The following USP14 variants were observed in gnomAD, a reference collection of about 807,000 sequenced individuals.
USP14 encodes the protein ubiquitin carboxyl-terminal hydrolase 14.
USP14 carries 38 observed loss-of-function variants against 76.5 expected under a neutral mutation model. The ratio of observed to expected loss-of-function variants is 0.50; its 90% CI spans 0.38 to 0.65. The LOEUF (loss-of-function observed/expected upper bound fraction) is 0.65. Among genes scored for constraint, USP14 ranks in the 30% least tolerant of loss-of-function variants. The pLI, the probability that USP14 is intolerant of heterozygous loss-of-function variation, is 0.00. For synonymous variants in USP14, 192 were observed against 191.7 expected, an observed-to-expected ratio of 1.00 and a Z score of -0.01; for missense variants, 467 against 586.5, an observed-to-expected ratio of 0.80 and a Z score of 2.10.
intron 2 of USP14, 126 bp downstream of exon 2, chr18:163,579 A>G: frequency 9.1e-7 from 1 of 1,093,532 alleles, no homozygotes; most frequent in East Asian, 2.6e-5. Flanking sequence ...AGAGTATGTC[A>G]GCTATGGTGT....
rs143264510 is a variant in USP14, at chr18:176,445, A to G, written c.196-2488A>G. ...TTGGACTACAGGTGTGTGCCACCAC[A>G]CATGGCTTGGTTTTAATTTTTACTT... On this transcript the variant is annotated intron_variant, in intron 3 of 15. Transcript: ENST00000261601. Among the ~76,000 whole-genome samples, 543 of 152,264 alleles carry G rather than the reference A, an allele frequency of 3.6e-3. 1 individual carries two copies. Among genetic ancestry groups the G allele is most frequent in the African/African-American group, 0.012 (506 of 41,570 alleles).
chr18:164,335 G>A (rs1909207046), intron 2 of USP14, among the ~76,000 whole-genome samples: 1 of 151,638 alleles, frequency 6.6e-6, no homozygotes, highest in African/African-American at 2.4e-5. Context: ...TTTTGTACAT[G>A]CATTTGTATG....
rs148752127 is a variant in USP14 at position 169,895 on chromosome 18, A to G, written c.195+3076A>G. On this transcript the variant is annotated intron_variant, in intron 3 of 15. Transcript: ENST00000261601. ...CATGAATCACACCTGTAAGATGGCAAACTTAATCGACAAATGTGTCTTCTG... is the reference window on the plus strand; with the variant it reads ...CATGAATCACACCTGTAAGATGGCAGACTTAATCGACAAATGTGTCTTCTG... 7.4e-3 allele frequency among the ~76,000 whole-genome samples: 1,128 copies of G among 152,206 alleles called. 15 individuals are homozygous for G. Among genetic ancestry groups the G allele is most frequent in the African/African-American group, 0.026 (1,075 of 41,524 alleles).
At chr18:169,688 T>C (rs1909387532) in intron 3 of USP14, among the ~76,000 whole-genome samples, 1 of 152,118 alleles carries the variant, frequency 6.6e-6, no homozygotes, top group South Asian at 2.1e-4. Flanking sequence ...TTTTTATAAG[T>C]TGAAGGTTTG....
In USP14 at chr18:211,925, G is replaced by C. The variant is rs1910680350; in HGVS notation, c.*641G>C. 6.6e-6 allele frequency: 1 copy of C among 152,180 alleles called. No individual in the cohort carries two copies. The highest frequency in any genetic ancestry group is 6.5e-5 in the Admixed American group (1 of 15,268). The allele number at this position is 152,180 out of a possible 1,614,324, so 9.4% of individuals were successfully genotyped here. A position where few individuals can be genotyped will look rare whatever the true frequency, so the allele number is the denominator to read the frequency against. ...TTGTGTCTCTCTCTGATGTACTGTG[G>C]ATTGTACATTTAACTTTGGAATGGC... On this transcript the variant is annotated 3_prime_UTR_variant, in exon 16 of 16. Coordinates refer to ENST00000261601, the MANE Select transcript of USP14 (RefSeq NM_005151.4).
intron 13 of USP14, among the ~76,000 whole-genome samples, 184 bp from the exon 14 acceptor site, chr18:209,787 A>AGT (rs1217196318): frequency 6.6e-6 from 1 of 152,146 alleles, no homozygotes; most frequent in East Asian, 1.9e-4. Flanking sequence ...ATATTGTTGA[A>AGT]GTGTAGGACT....
rs1445285996 is a variant in USP14 at position 197,572 on chromosome 18, A to C, written c.595-44A>C. 2.0e-6 allele frequency: 3 copies of C among 1,487,352 alleles called. No individual in the cohort carries two copies. In the South Asian group the frequency reaches 3.5e-5, roughly 17 times the overall value. The allele number at this position is 1,487,352 out of a possible 1,614,324, so 92.1% of individuals were successfully genotyped here. ...TTATTTTGGAAGAACTTTGTAGATCATTCACTGCCAGGATTACTTACTTTG... is the reference window on the plus strand; with the variant it reads ...TTATTTTGGAAGAACTTTGTAGATCCTTCACTGCCAGGATTACTTACTTTG... On this transcript the variant is annotated intron_variant, in intron 7 of 15. Coordinates refer to ENST00000261601, the MANE Select transcript of USP14 (RefSeq NM_005151.4).
rs1344787713 is a variant in USP14, at chr18:171,017, AAAAAAAAAATAT to A, written c.195+4200_195+4211del. On this transcript the variant is annotated intron_variant, in intron 3 of 15. Coordinates refer to ENST00000261601, the MANE Select transcript of USP14 (RefSeq NM_005151.4). ...ACATGTACCCTGGAACTTAAAAAAAAAAAAAAAAATATATATATATATATATATATATATATA... is the reference window on the plus strand; with the variant it reads ...ACATGTACCCTGGAACTTAAAAAAAAATATATATATATATATATATATATA... Among the ~76,000 whole-genome samples, 81 of 74,020 alleles carry A rather than the reference AAAAAAAAAATAT, an allele frequency of 1.1e-3. 2 individuals carry two copies. Among genetic ancestry groups the A allele is most frequent in the Middle Eastern group, 6.3e-3 (1 of 158 alleles). 48.6% of individuals were successfully genotyped at this position (74,020 alleles called of 152,430 possible).
chr18:201,484 G>A (rs1416057952), intron 10 of USP14, among the ~76,000 whole-genome samples: 1 of 152,200 alleles, frequency 6.6e-6, no homozygotes, highest in Non-Finnish European at 1.5e-5. Flanking sequence ...TTGTTAAAGG[G>A]CATAAGAAGA....
intron 3 of USP14, among the ~76,000 whole-genome samples, chr18:174,651 C>T (rs1263270221): frequency 3.6e-4 from 53 of 148,514 alleles, no homozygotes; most frequent in African/African-American, 1.3e-3. Context: ...GCTTTGTCGG[C>T]TGGAGTGCAG....
intron 7 of USP14, 117 bp from the exon 8 acceptor site, chr18:197,499 T>G: frequency 1.4e-6 from 1 of 724,390 alleles, no homozygotes; most frequent in Non-Finnish European, 2.3e-6. Flanking sequence ...CTTATTTGGC[T>G]TAATATTTTT....
rs1220891798 is a variant in USP14, at chr18:213,891, G to C, written c.*2607G>C. On this transcript the variant is annotated 3_prime_UTR_variant, in exon 16 of 16. Coordinates refer to ENST00000261601, the MANE Select transcript of USP14 (RefSeq NM_005151.4). Reference sequence around the variant, plus strand: ...TGAGAGGTCAGGCAATTTTTGTAAGGCTAGAAGGAAAAGTGAGGTTTTAGA... The same window carrying C: ...TGAGAGGTCAGGCAATTTTTGTAAGCCTAGAAGGAAAAGTGAGGTTTTAGA... 6.6e-6 allele frequency: 1 copy of C among 152,176 alleles called. No individual in the cohort carries two copies. The highest frequency in any genetic ancestry group is 2.1e-4 in the South Asian group (1 of 4,832). 9.4% of individuals were successfully genotyped at this position (152,176 alleles called of 1,614,324 possible).
At chr18:185,143 A>ATT (rs34908804) in intron 5 of USP14, among the ~76,000 whole-genome samples, 1 of 149,664 alleles carries the variant, frequency 6.7e-6, no homozygotes, top group East Asian at 2.0e-4. Context: ...ATTTTCTTTC[A>ATT]TTTTTTTTTT....
Position 204,564 on chromosome 18 carries a change from G to A in USP14, c.1036G>A (p.Asp346Asn), listed in dbSNP as rs1174467486. ...ATGTTTTTTGTTTGTTTGTATATAG[G>A]ATGTTAAATTTCCTCTTATGTTGGA... ...KESVNAKVLKDVKFPLMLDMY... is the reference protein window; with the variant it reads ...KESVNAKVLKNVKFPLMLDMY... Residue 346 changes from aspartate to asparagine, a missense_variant and splice_region_variant, in exon 13 of 16, where the codon GAT (aspartate) becomes AAT (asparagine). Transcript: ENST00000261601. 9 of 1,590,114 alleles carry A rather than the reference G, an allele frequency of 5.7e-6. No homozygotes were observed. The highest frequency in any genetic ancestry group is 7.7e-6 in the Non-Finnish European group (9 of 1,171,514).
intron 6 of USP14, chr18:196,396 T>C: frequency 1.0e-5 from 3 of 289,330 alleles, no homozygotes; most frequent in Non-Finnish European, 1.3e-5. Context: ...TGGTGGCGTG[T>C]GCCTGTAATC....
rs189544026 is a variant in USP14, at chr18:179,440, A to G, written c.300+403A>G. ...AAATGTTGGGATATTTAAATTTTTA[A>G]AATCCTTCATGTGGAAAATACATAC... is the stretch of plus-strand genomic sequence containing the variant. On this transcript the variant is annotated intron_variant, in intron 4 of 15. Transcript: ENST00000261601. 1.6e-3 allele frequency among the ~76,000 whole-genome samples: 239 copies of G among 152,210 alleles called. 1 individual carries two copies. The highest frequency in any genetic ancestry group is 5.4e-3 in the African/African-American group (225 of 41,552).
rs1910248644 is a variant in USP14, at chr18:196,764, A to G, written c.591A>G (p.Gln197=). The G allele has an allele frequency of 8.1e-6, 13 of 1,612,990 alleles. No individual in the cohort carries two copies. The East Asian group carries it at 8.9e-5, about 11-fold the overall frequency. The change falls in exon 7 of 16, where the codon CAA becomes CAG. Residue 197 remains glutamine, a synonymous_variant. Coordinates refer to ENST00000261601, the MANE Select transcript of USP14 (RefSeq NM_005151.4). ...AAGGTGAACAAGGACAGTATCTTCA[A>G]CAGGTAATTAGGGCAAGGTATTTTT... ...AEKGEQGQYL[Q]QDANECWIQM...
intron 1 of USP14, among the ~76,000 whole-genome samples, chr18:160,734 T>C (rs1228168075): frequency 2.0e-5 from 3 of 152,210 alleles, no homozygotes; most frequent in African/African-American, 7.2e-5. Context: ...TTTAATCCTG[T>C]AGCATCTTTA....
chr18:167,909 GT>G (rs1481541671), intron 3 of USP14, among the ~76,000 whole-genome samples: 1 of 147,202 alleles, frequency 6.8e-6, no homozygotes, highest in Non-Finnish European at 1.5e-5. Flanking sequence ...TGGCTAGAAT[GT>G]AAAAATACAA....
Sources: allele counts gnomAD v4.1 joint callset (sites outside exome capture counted in the v4.1 genomes callset), GRCh38; gene constraint gnomAD v4.1.1; transcripts MANE v1.5; gene names NCBI Gene and HGNC (gene_info 2026-07-23, HGNC 2026-07-21).